Variants in EGLN1 observed in about 807,000 individuals in gnomAD.
The protein encoded by EGLN1 is egl-9 family hypoxia inducible factor 1.
Under a neutral mutation model 38.3 loss-of-function variants are expected in EGLN1, and 17 were observed. The observed-to-expected ratio is 0.44, with a 90% CI of 0.30 to 0.67. The LOEUF (loss-of-function observed/expected upper bound fraction) is 0.67. Among genes scored for constraint, EGLN1 ranks in the 30% least tolerant of loss-of-function variants. The pLI, the probability that EGLN1 is intolerant of heterozygous loss-of-function variation, is 0.08. For missense variants in EGLN1, 477 were observed against 603.3 expected (o/e 0.79, Z 2.19); for synonymous variants, 283 against 257.5 (o/e 1.10, Z -0.95).
intron 1 of EGLN1, among the ~76,000 whole-genome samples, chr1:231,406,115 T>C: frequency 1.4e-5 from 2 of 142,740 alleles, no homozygotes; most frequent in African/African-American, 2.7e-5. Flanking sequence ...TGAGCCAAGA[T>C]TGCACCACTG....
At chr1:231,395,010 G>A (rs1260408494) in intron 1 of EGLN1, among the ~76,000 whole-genome samples, 1 of 152,100 alleles carries the variant, frequency 6.6e-6, no homozygotes, top group Non-Finnish European at 1.5e-5. Context: ...TCTGATTCAG[G>A]AGGTCTGGAG....
intron 1 of EGLN1, among the ~76,000 whole-genome samples, chr1:231,405,630 A>C (rs1688769518): frequency 6.6e-6 from 1 of 152,116 alleles, no homozygotes. Flanking sequence ...GATGACAAGA[A>C]TCCAAGGCAA....
chr1:231,372,329 A>G (rs1208641603), intron 2 of EGLN1, among the ~76,000 whole-genome samples: 1 of 152,238 alleles, frequency 6.6e-6, no homozygotes, highest in Non-Finnish European at 1.5e-5. Context: ...CTACATATTC[A>G]GTGCAATCTA....
Position 231,366,069 on chromosome 1 carries a change from G to T in EGLN1, c.*342C>A. On this transcript the variant is annotated 3_prime_UTR_variant, in exon 5 of 5. Coordinates refer to ENST00000366641, the MANE Select transcript of EGLN1 (RefSeq NM_022051.3). ...CCAAATTCAAACTTGATATAAAAAA[G>T]GGAGAGATGAAATGAACTCAGCTAG... 3.6e-6 allele frequency: 1 copy of T among 279,138 alleles called. No individual in the cohort carries two copies. Among genetic ancestry groups the T allele is most frequent in the Non-Finnish European group, 6.7e-6 (1 of 148,512 alleles). 17.3% of individuals were successfully genotyped at this position (279,138 alleles called of 1,614,324 possible).
At position 231,367,587 on chromosome 1, in the gene EGLN1, T is replaced by C; in HGVS notation, c.1198A>G (p.Lys400Glu). Residue 400 changes from lysine (K) to glutamate (E), a missense_variant, in exon 4 of 5, where the codon AAA becomes GAA. Physicochemically the swap from Lys to Glu is moderately conservative, Grantham distance 56. Transcript: ENST00000366641. The part of the protein sequence containing the change: ...YFDADERARA[K>E]VKYLTGEKGV... ...CGTTTACCTGTTAGATATTTTACTTTAGCTCGTGCTCTCTCATCTGCATCA... is the reference window on the plus strand; with the variant it reads ...CGTTTACCTGTTAGATATTTTACTTCAGCTCGTGCTCTCTCATCTGCATCA... 6.2e-7 allele frequency: 1 copy of C among 1,614,098 alleles called. No individual in the cohort carries two copies. Among genetic ancestry groups the C allele is most frequent in the Non-Finnish European group, 8.5e-7 (1 of 1,180,014 alleles).
rs551207815 is a variant in EGLN1 at position 231,421,578 on chromosome 1, G to A, written c.311C>T (p.Ser104Phe). The A allele has an allele frequency of 2.5e-4, 332 of 1,312,802 alleles. 1 individual carries two copies. The African/African-American group carries it at 3.8e-3, about 15-fold the overall frequency. 81.3% of individuals were successfully genotyped at this position (1,312,802 alleles called of 1,614,324 possible). ...RKAAARRDNASGDAAKGKVKA... is the reference protein window; with the variant it reads ...RKAAARRDNAFGDAAKGKVKA... ...TACTTTTCCCTTGGCCGCGTCCCCG[G>A]AGGCGTTGTCCCGGCGCGCCGCTGC... The change falls in exon 1 of 5, where the codon TCC becomes TTC. Residue 104 changes from serine (S) to phenylalanine (F), a missense_variant. Physicochemically the swap from Ser to Phe is radical, Grantham distance 155. This residue lies in a region of EGLN1 where 298 missense variants were observed against 288.9 expected (regional missense o/e 1.03). Coordinates refer to ENST00000366641, the MANE Select transcript of EGLN1 (RefSeq NM_022051.3). This position sits in a 1 kb window ranked among gnomAD's most constrained non-coding sequence, Gnocchi z 5.5.
intron 3 of EGLN1, chr1:231,369,421 C>A: frequency 4.8e-6 from 1 of 207,520 alleles, no homozygotes; most frequent in Non-Finnish European, 8.4e-6. Flanking sequence ...GTCTATGAGG[C>A]AGTTACTGTG....
At chr1:231,370,743 T>C (rs1319903297) in intron 2 of EGLN1, 45 bp from the exon 3 acceptor site, 10 of 1,608,334 alleles carry the variant, frequency 6.2e-6, no homozygotes, top group Non-Finnish European at 8.5e-6. Flanking sequence ...CCAAAAATGC[T>C]ACAAGATTAA....
chr1:231,369,687 A>G (rs1336126200), intron 3 of EGLN1: 1 of 746,688 alleles, frequency 1.3e-6, no homozygotes, highest in African/African-American at 1.9e-5. Context: ...GTCAACCATC[A>G]TTACTAAAGC....
At chr1:231,371,594 T>C (rs1172054684) in intron 2 of EGLN1, among the ~76,000 whole-genome samples, 1 of 152,174 alleles carries the variant, frequency 6.6e-6, no homozygotes, top group African/African-American at 2.4e-5. Flanking sequence ...ACTACCTGCT[T>C]GTGAAACTTG....
chr1:231,421,505 A>G lies in EGLN1; in HGVS notation c.384T>C (p.Arg128=). The stretch of plus-strand genomic sequence containing the variant: ...CCGAGCCCTGGCCGCCGGCGGCCGC[A>G]CGACACGGCGACGCGGCCGCCGCTG... The part of the protein sequence containing the change: ...ADPAAAASPC[R]AAAGGQGSAV... Residue 128 remains arginine, a synonymous_variant, in exon 1 of 5, where the codon CGT becomes CGC. Transcript: ENST00000366641. The surrounding 1 kb of genome is among the most constrained non-coding windows in gnomAD (Gnocchi z 5.5). The G allele has an allele frequency of 7.5e-6, 10 of 1,326,448 alleles. No individual in the cohort carries two copies. The highest frequency in any genetic ancestry group is 9.6e-6 in the Non-Finnish European group (10 of 1,039,738). The allele number at this position is 1,326,448 out of a possible 1,614,324, so 82.2% of individuals were successfully genotyped here. A position where few individuals can be genotyped will look rare whatever the true frequency, so the allele number is the denominator to read the frequency against.
At chr1:231,405,500 T>G (rs1361609515) in intron 1 of EGLN1, among the ~76,000 whole-genome samples, 1 of 152,140 alleles carries the variant, frequency 6.6e-6, no homozygotes, top group African/African-American at 2.4e-5. Context: ...TTTTAAAAAG[T>G]CTTTTACAAA....
In EGLN1 at chr1:231,374,965, A is replaced by G. The variant is rs543094974; in HGVS notation, c.892-866T>C. ...AATAACTTCCATATTCTAGGTGTAC[A>G]TGATAATTAACTGAAATTGGTAATG... is the stretch of plus-strand genomic sequence containing the variant. On this transcript the variant is annotated intron_variant, in intron 1 of 4. Coordinates refer to ENST00000366641, the MANE Select transcript of EGLN1 (RefSeq NM_022051.3). 2.0e-5 allele frequency among the ~76,000 whole-genome samples: 3 copies of G among 152,370 alleles called. No homozygotes were observed. In the East Asian group the frequency reaches 5.8e-4, roughly 29 times the overall value.
At chr1:231,418,164 C>G (rs974104077) in intron 1 of EGLN1, among the ~76,000 whole-genome samples, 16 of 152,182 alleles carry the variant, frequency 1.1e-4, no homozygotes, top group Admixed American at 3.3e-4. Flanking sequence ...AAACCATATT[C>G]TGACATCTGT....
chr1:231,386,225 C>A (rs971534), intron 1 of EGLN1, among the ~76,000 whole-genome samples: 82,908 of 152,030 alleles, frequency 0.55, 24,231 homozygotes, highest in Non-Finnish European at 0.65. Context: ...CAACTTTCAT[C>A]AGAGTACAAG....
At chr1:231,418,888 T>C (rs1281546407) in intron 1 of EGLN1, among the ~76,000 whole-genome samples, 2 of 151,940 alleles carry the variant, frequency 1.3e-5, no homozygotes, top group African/African-American at 4.8e-5. Flanking sequence ...AATACTCTGA[T>C]TGTATCTGTA....
In EGLN1 at chr1:231,383,057, C is replaced by CAAAAA. The variant is rs547747077; in HGVS notation, c.892-8963_892-8959dup. On this transcript the variant is annotated intron_variant, in intron 1 of 4. Coordinates refer to ENST00000366641, the MANE Select transcript of EGLN1 (RefSeq NM_022051.3). ...TGGGCAACAGAGCGAAACTCTGTCTCAAAAAAAAAAAAAAAAAAAAAAAAA... is the reference window on the plus strand; with the variant it reads ...TGGGCAACAGAGCGAAACTCTGTCTCAAAAAAAAAAAAAAAAAAAAAAAAAAAAAA... Among the ~76,000 whole-genome samples, 38 of 70,550 alleles carry CAAAAA rather than the reference C, an allele frequency of 5.4e-4. 2 individuals carry two copies. Among genetic ancestry groups the CAAAAA allele is most frequent in the African/African-American group, 2.1e-3 (34 of 15,844 alleles). 46.3% of individuals were successfully genotyped at this position (70,550 alleles called of 152,430 possible). A position where few individuals can be genotyped will look rare whatever the true frequency, so the allele number is the denominator to read the frequency against.
intron 1 of EGLN1, among the ~76,000 whole-genome samples, chr1:231,399,425 A>G (rs1037039880): frequency 6.6e-6 from 1 of 152,204 alleles, no homozygotes; most frequent in Non-Finnish European, 1.5e-5. Context: ...CTTATTACAT[A>G]TAGAGAAGAA....
intron 1 of EGLN1, among the ~76,000 whole-genome samples, chr1:231,391,085 T>TG (rs1558387067): frequency 5.4e-5 from 3 of 55,192 alleles, no homozygotes; most frequent in Non-Finnish European, 7.9e-5. Context: ...CTCATTCTGT[T>TG]TTTTTTTTGT....
Sources: gnomAD v4.1 joint callset for allele counts (sites outside exome capture counted in the v4.1 genomes callset) on GRCh38, gnomAD v4.1.1 for gene constraint, gnomAD v4.1.1 regional missense constraint, Gnocchi (gnomAD v3.1) non-coding constraint, MANE v1.5 for transcripts, NCBI Gene and HGNC (gene_info 2026-07-23, HGNC 2026-07-21) for gene names.